The following CXADR variants were observed in gnomAD, a reference collection of about 807,000 sequenced individuals.
The protein encoded by CXADR is coxsackievirus and adenovirus receptor.
In CXADR, 20 loss-of-function variants were observed where a neutral mutation model predicts 40.3. That is an observed-to-expected ratio of 0.50 (90% CI 0.35 to 0.72). CXADR has a LOEUF of 0.72. Ranked by LOEUF, CXADR falls within the 30% of genes least tolerant of loss-of-function variation. The probability of loss-of-function intolerance (pLI) is 0.01; values close to 1 mark genes in which losing one functional copy is unlikely to be tolerated. For missense variants in CXADR, 332 were observed against 449.1 expected, an observed-to-expected ratio of 0.74 and a Z score of 2.36; for synonymous variants, 150 against 161.3, an observed-to-expected ratio of 0.93 and a Z score of 0.53.
the CXADR span, chr21:17,605,059 T>C: frequency 1.3e-6 from 2 of 1,562,510 alleles, no homozygotes; most frequent in Non-Finnish European, 1.7e-6. Context: ...CGCCGTAATA[T>C]CTATTCATAC....
chr21:17,531,462 T>C (rs1440170761), intron 1 of CXADR, among the ~76,000 whole-genome samples: 1 of 152,176 alleles, frequency 6.6e-6, no homozygotes, highest in African/African-American at 2.4e-5. Context: ...TTCAAATATA[T>C]GTAAAACTAG....
At chr21:17,521,239 A>G (rs1451991126) in intron 1 of CXADR, among the ~76,000 whole-genome samples, 1 of 152,190 alleles carries the variant, frequency 6.6e-6, no homozygotes, top group African/African-American at 2.4e-5. Flanking sequence ...AGTGGGTTTT[A>G]GCACTGGGAG....
chr21:17,576,534 C>T lies in CXADR; in HGVS notation c.1017+10923C>T, dbSNP rs138706468. Among the ~76,000 whole-genome samples, 422 of 152,208 alleles carry T rather than the reference C, an allele frequency of 2.8e-3. 2 individuals carry two copies. Among genetic ancestry groups the T allele is most frequent in the African/African-American group, 8.7e-3 (362 of 41,548 alleles). The stretch of plus-strand genomic sequence containing the variant: ...TCTTGTATTATACTAGTAATATTTA[C>T]CTCATATCTCACTAATATAAGGTGA... On this transcript the variant is annotated intron_variant, in intron 7 of 7. Transcript: ENST00000400169.
At chr21:17,555,935 G>A (rs904419468) in intron 3 of CXADR, among the ~76,000 whole-genome samples, 2 of 152,222 alleles carry the variant, frequency 1.3e-5, no homozygotes, top group African/African-American at 2.4e-5. Context: ...CCTGTCTCAT[G>A]TAGGGATTTA....
intron 1 of CXADR, among the ~76,000 whole-genome samples, chr21:17,516,310 CTT>C (rs1323907747): frequency 6.6e-6 from 1 of 152,240 alleles, no homozygotes; most frequent in Non-Finnish European, 1.5e-5. Flanking sequence ...ACAGCAGCCA[CTT>C]TCTCTTACTA....
At chr21:17,602,258 G>A in the CXADR span, among the ~76,000 whole-genome samples, 4 of 151,910 alleles carry the variant, frequency 2.6e-5, no homozygotes, top group Non-Finnish European at 5.9e-5. Context: ...TCTGTATCAC[G>A]AAGTGATAAC....
rs180908467 is a variant in CXADR at position 17,539,884 on chromosome 21, A to G, written c.44-7143A>G. ...TCCAGTTGAACAGTATACCCTATCC[A>G]TGATGAGAAACTTCACTGCTCTGTA... On this transcript the variant is annotated intron_variant, in intron 1 of 6. Transcript: ENST00000284878. 1.6e-3 allele frequency among the ~76,000 whole-genome samples: 241 copies of G among 152,338 alleles called. 1 individual carries two copies. The highest frequency in any genetic ancestry group is 5.5e-3 in the African/African-American group (229 of 41,580).
Position 17,568,599 on chromosome 21 carries a change from C to G in CXADR, c.*2907C>G. 1 of 973,094 alleles carries G rather than the reference C, an allele frequency of 1.0e-6. No individual in the cohort carries two copies. Among genetic ancestry groups the G allele is most frequent in the Non-Finnish European group, 1.2e-6 (1 of 823,642 alleles). The allele number at this position is 973,094 out of a possible 1,614,324, so 60.3% of individuals were successfully genotyped here. A position where few individuals can be genotyped will look rare whatever the true frequency, so the allele number is the denominator to read the frequency against. Reference sequence around the variant, plus strand: ...TAAGAGATAGGGTTTCACTATTGCTCAGGCTGGTCTCAAACTGCTGGGCTC... The same window carrying G: ...TAAGAGATAGGGTTTCACTATTGCTGAGGCTGGTCTCAAACTGCTGGGCTC... On this transcript the variant is annotated 3_prime_UTR_variant, in exon 7 of 7. Coordinates refer to ENST00000284878, the MANE Select transcript of CXADR (RefSeq NM_001338.5).
At chr21:17,548,073 ATAAAT>A (rs957685915) in intron 2 of CXADR, among the ~76,000 whole-genome samples, 2 of 150,498 alleles carry the variant, frequency 1.3e-5, no homozygotes, top group Admixed American at 1.3e-4. Context: ...TAAAAAGTTA[ATAAAT>A]TATATTAGAT....
At chr21:17,539,995 A>G (rs969510958) in intron 1 of CXADR, among the ~76,000 whole-genome samples, 5 of 152,180 alleles carry the variant, frequency 3.3e-5, no homozygotes, top group Non-Finnish European at 7.4e-5. Context: ...TGCCTTAAAC[A>G]ATAGAAACTT....
At chr21:17,588,414 C>A (rs930663718) in intron 7 of CXADR, among the ~76,000 whole-genome samples, 9 of 152,130 alleles carry the variant, frequency 5.9e-5, no homozygotes, top group Non-Finnish European at 1.3e-4. Flanking sequence ...TTTCATTGAG[C>A]AGTGGTTTGT....
At chr21:17,614,808 T>C in the CXADR span, among the ~76,000 whole-genome samples, 39 of 152,308 alleles carry the variant, frequency 2.6e-4, 2 homozygotes, top group South Asian at 7.5e-3. Flanking sequence ...CAATGTCTCT[T>C]AAACACTTTT....
the CXADR span, among the ~76,000 whole-genome samples, chr21:17,623,496 C>G: frequency 6.6e-6 from 1 of 152,136 alleles, no homozygotes; most frequent in East Asian, 1.9e-4. Flanking sequence ...TCTTTACATT[C>G]ATTTCCTCTG....
chr21:17,583,244 C>G (rs1176283856), intron 7 of CXADR, among the ~76,000 whole-genome samples: 1 of 152,054 alleles, frequency 6.6e-6, no homozygotes, highest in African/African-American at 2.4e-5. Context: ...TATAGTAGAC[C>G]AGGAGAGCTT....
chr21:17,554,177 GT>G (rs1042323236), intron 3 of CXADR, among the ~76,000 whole-genome samples: 2 of 152,186 alleles, frequency 1.3e-5, no homozygotes, highest in Admixed American at 6.5e-5. Context: ...ATGTTTGTGT[GT>G]TTGTGTATTG....
intron 4 of CXADR, among the ~76,000 whole-genome samples, chr21:17,559,971 AT>A (rs34385056): frequency 0.67 from 100,192 of 149,394 alleles, 33,424 homozygotes; most frequent in East Asian, 0.76. Flanking sequence ...CGCCTGGCGA[AT>A]TTTTTTTTTT....
chr21:17,594,465 T>C, downstream of CXADR: 1 of 1,061,348 alleles, frequency 9.4e-7, no homozygotes, highest in Non-Finnish European at 1.3e-6. Flanking sequence ...TATTGTCAGG[T>C]CTAAATACAT....
intron 7 of CXADR, among the ~76,000 whole-genome samples, chr21:17,580,438 G>A (rs2061352189): frequency 6.6e-6 from 1 of 152,106 alleles, no homozygotes; most frequent in Admixed American, 6.5e-5. Flanking sequence ...GGCCAACATG[G>A]CGAAACCTGT....
rs776490788 is a variant in CXADR at position 17,561,483 on chromosome 21, A to G, written c.833+7A>G. On this transcript the variant is annotated splice_region_variant and intron_variant, in intron 6 of 6. Coordinates refer to ENST00000284878, the MANE Select transcript of CXADR (RefSeq NM_001338.5). ...AAGTTCATCACGATATCAGGTAATT[A>G]AGTGAGACAGGAGTTGACTGATGTA... 9 of 1,604,414 alleles carry G rather than the reference A, an allele frequency of 5.6e-6. No homozygotes were observed. Among genetic ancestry groups the G allele is most frequent in the Non-Finnish European group, 7.7e-6 (9 of 1,176,130 alleles).
Sources: allele counts gnomAD v4.1 joint callset (sites outside exome capture counted in the v4.1 genomes callset), GRCh38; gene constraint gnomAD v4.1.1; transcripts MANE v1.5; gene names NCBI Gene and HGNC (gene_info 2026-07-23, HGNC 2026-07-21).